Variants in TCF4 observed in about 807,000 individuals in gnomAD.
TCF4 encodes the protein transcription factor 4, also known as SL3-3 enhancer factor 2.
A neutral mutation model predicts 82.1 loss-of-function variants in TCF4; 3 were observed. The observed-to-expected ratio is 0.04, with a 90% CI of 0.02 to 0.09. The LOEUF is 0.09. Among genes scored for constraint, TCF4 ranks in the 10% least tolerant of loss-of-function variants. TCF4 has a pLI of 1.00. For synonymous variants in TCF4, 276 were observed against 309.6 expected, an observed-to-expected ratio of 0.89 and a Z score of 1.14; for missense variants, 518 against 852.7, an observed-to-expected ratio of 0.61 and a Z score of 4.89.
chr18:55,224,423 T>C lies in TCF4; in HGVS notation c.*3612A>G, dbSNP rs1599269088. ...TGCCCCATTGTGTTGGAATTCATCA[T>C]ATTCCATCTTGACTTTTTTGCTTCC... On this transcript the variant is annotated 3_prime_UTR_variant, in exon 20 of 20. Coordinates refer to ENST00000354452, the MANE Select transcript of TCF4 (RefSeq NM_001083962.2). 6.5e-6 allele frequency: 1 copy of C among 152,764 alleles called. No individual in the cohort carries two copies. The highest frequency in any genetic ancestry group is 1.9e-4 in the East Asian group (1 of 5,192). 9.5% of individuals were successfully genotyped at this position (152,764 alleles called of 1,614,324 possible).
chr18:55,365,266 TACAC>T (rs555206960), intron 6 of TCF4, among the ~76,000 whole-genome samples: 1 of 138,836 alleles, frequency 7.2e-6, no homozygotes, highest in African/African-American at 2.8e-5. Flanking sequence ...TATATATATA[TACAC>T]ACACACACAC....
intron 9 of TCF4, among the ~76,000 whole-genome samples, chr18:55,278,742 G>T (rs1788052): frequency 0.037 from 5,678 of 152,038 alleles, 357 homozygotes; most frequent in African/African-American, 0.13. Context: ...CTAATTTTTT[G>T]TATTTTTAGT....
Position 55,551,830 on chromosome 18 carries a change from A to G in TCF4, c.145+33450T>C, listed in dbSNP as rs2097263146. 4 of 152,208 alleles carry G rather than the reference A, an allele frequency of 2.6e-5. No homozygotes were observed. The South Asian group carries it at 8.3e-4, about 32-fold the overall frequency. The allele number at this position is 152,208 out of a possible 1,614,324, so 9.4% of individuals were successfully genotyped here. A position where few individuals can be genotyped will look rare whatever the true frequency, so the allele number is the denominator to read the frequency against. On this transcript the variant is annotated intron_variant, in intron 3 of 19. Coordinates refer to ENST00000354452, the MANE Select transcript of TCF4 (RefSeq NM_001083962.2). ...CTCCTGCTCAACTGTGAGGGAAATAAGATTTAAAAGAGCACAAGGAAAAGA... is the reference window on the plus strand; with the variant it reads ...CTCCTGCTCAACTGTGAGGGAAATAGGATTTAAAAGAGCACAAGGAAAAGA...
intron 8 of TCF4, among the ~76,000 whole-genome samples, chr18:55,308,276 A>T (rs1400048656): frequency 6.6e-6 from 1 of 152,222 alleles, no homozygotes; most frequent in Non-Finnish European, 1.5e-5. Flanking sequence ...TTTTTAAAAA[A>T]TTTTAGATCC....
chr18:55,253,342 T>G (rs2055820110), intron 15 of TCF4, among the ~76,000 whole-genome samples: 1 of 152,124 alleles, frequency 6.6e-6, no homozygotes, highest in African/African-American at 2.4e-5. Flanking sequence ...TAATGGAAAA[T>G]ATACCTTCAT....
chr18:55,328,150 G>T (rs1248799837), intron 8 of TCF4, among the ~76,000 whole-genome samples: 2 of 152,052 alleles, frequency 1.3e-5, no homozygotes, highest in Non-Finnish European at 2.9e-5. Context: ...CTACACATTT[G>T]ACTCAAAGTG....
At chr18:55,565,891 T>C (rs1293013314) in intron 3 of TCF4, among the ~76,000 whole-genome samples, 3 of 151,802 alleles carry the variant, frequency 2.0e-5, no homozygotes, top group Non-Finnish European at 4.4e-5. Context: ...CACTCATAAG[T>C]GGGTGCTAAA....
intron 9 of TCF4, among the ~76,000 whole-genome samples, chr18:55,277,439 T>C (rs2061666255): frequency 6.6e-6 from 1 of 152,214 alleles, no homozygotes; most frequent in South Asian, 2.1e-4. Flanking sequence ...CAGAGTACTC[T>C]GCTTGATGCA....
intron 5 of TCF4, among the ~76,000 whole-genome samples, chr18:55,419,729 G>C (rs549046821): frequency 1.3e-5 from 2 of 151,964 alleles, no homozygotes; most frequent in African/African-American, 4.8e-5. Context: ...GCTTTGATAC[G>C]CAAATGTTCT....
At chr18:55,479,990 A>G (rs1317182027) in intron 3 of TCF4, among the ~76,000 whole-genome samples, 1 of 152,010 alleles carries the variant, frequency 6.6e-6, no homozygotes, top group African/African-American at 2.4e-5. Context: ...CCCTCTTAGC[A>G]TTTCCTCCCT....
rs146976359 is a variant in TCF4 at position 55,432,482 on chromosome 18, G to A, written c.304+28537C>T. Reference sequence around the variant, plus strand: ...ACTTTACCCTATACAACCTTGTAAGGTTGGCCTTGTTATCTCCATCCCACA... The same window carrying A: ...ACTTTACCCTATACAACCTTGTAAGATTGGCCTTGTTATCTCCATCCCACA... On this transcript the variant is annotated intron_variant, in intron 5 of 19. Transcript: ENST00000354452. 1.5e-3 allele frequency among the ~76,000 whole-genome samples: 223 copies of A among 152,184 alleles called. 1 individual carries two copies. The highest frequency in any genetic ancestry group is 6.8e-3 in the Middle Eastern group (2 of 294).
intron 8 of TCF4, among the ~76,000 whole-genome samples, chr18:55,336,272 C>T (rs1020416173): frequency 6.6e-6 from 1 of 151,734 alleles, no homozygotes; most frequent in Non-Finnish European, 1.5e-5. Flanking sequence ...CTACAATTAC[C>T]CTCCTAAATA....
At chr18:55,486,271 C>T (rs2096513385) in intron 3 of TCF4, among the ~76,000 whole-genome samples, 1 of 152,150 alleles carries the variant, frequency 6.6e-6, no homozygotes, top group Non-Finnish European at 1.5e-5. Flanking sequence ...ACGGAAGTTT[C>T]CTTGAAGCAG....
At chr18:55,323,994 T>C (rs2076146106) in intron 8 of TCF4, among the ~76,000 whole-genome samples, 1 of 152,242 alleles carries the variant, frequency 6.6e-6, no homozygotes, top group African/African-American at 2.4e-5. Context: ...AACCAAATTG[T>C]CATGGCTTAA....
intron 8 of TCF4, among the ~76,000 whole-genome samples, chr18:55,285,027 G>A (rs1375093442): frequency 2.0e-5 from 3 of 152,174 alleles, no homozygotes; most frequent in African/African-American, 7.2e-5. Context: ...AAGGACATAG[G>A]CCTCAGTAAG....
intron 11 of TCF4, among the ~76,000 whole-genome samples, chr18:55,263,336 A>G (rs550782861): frequency 6.6e-6 from 1 of 152,310 alleles, no homozygotes; most frequent in South Asian, 2.1e-4. Flanking sequence ...ACATCATACA[A>G]TTGGACCACT....
chr18:55,629,435 G>A (rs557090107), intron 2 of TCF4, among the ~76,000 whole-genome samples: 4 of 152,160 alleles, frequency 2.6e-5, no homozygotes, highest in Non-Finnish European at 5.9e-5. Flanking sequence ...TAAAAACCTG[G>A]TGGCAAAGAT....
intron 3 of TCF4, among the ~76,000 whole-genome samples, chr18:55,502,568 C>A (rs1457713186): frequency 1.3e-5 from 2 of 152,170 alleles, no homozygotes; most frequent in Non-Finnish European, 2.9e-5. Context: ...ACAATTTATT[C>A]TTCTGTTGCT....
At chr18:55,382,497 AG>A (rs1245749940) in intron 6 of TCF4, among the ~76,000 whole-genome samples, 1 of 152,124 alleles carries the variant, frequency 6.6e-6, no homozygotes, top group Admixed American at 6.6e-5. Context: ...GTGAAAAAAA[AG>A]TCTTAGAATT....
Sources: allele counts gnomAD v4.1 joint callset (sites outside exome capture counted in the v4.1 genomes callset), GRCh38; gene constraint gnomAD v4.1.1; transcripts MANE v1.5; gene names NCBI Gene and HGNC (gene_info 2026-07-23, HGNC 2026-07-21).